CUBN: variants seen among roughly 807,000 people sequenced by gnomAD.
CUBN encodes cubilin.
CUBN carries 282 observed loss-of-function variants against 405.3 expected under a neutral mutation model. That is an observed-to-expected ratio of 0.70 (90% confidence interval 0.63 to 0.77). The LOEUF is 0.77. Among genes scored for constraint, CUBN ranks in the 30% least tolerant of loss-of-function variants. The pLI, the probability that CUBN is intolerant of heterozygous loss-of-function variation, is 0.00. For missense variants in CUBN, 4,514 were observed against 4,475.2 expected (o/e 1.01, Z -0.25); for synonymous variants, 1,684 against 1,617.0 (o/e 1.04, Z -0.99).
chr10:17,129,274 G>A, intron 1 of CUBN, 24 bp from the exon 2 acceptor site: 1 of 1,611,354 alleles, frequency 6.2e-7, no homozygotes, highest in Non-Finnish European at 8.5e-7. Flanking sequence ...ACGAGAGAAT[G>A]CATCAGTAAT....
chr10:17,040,959 C>G, intron 27 of CUBN, 74 bp downstream of exon 27: 2 of 1,421,850 alleles, frequency 1.4e-6, no homozygotes, highest in Non-Finnish European at 9.9e-7. Context: ...TTCTAAAAAG[C>G]ATGATGGATT....
At chr10:17,109,596 T>C (rs746455729) in intron 10 of CUBN, 44 bp downstream of exon 10, 3 of 1,456,158 alleles carry the variant, frequency 2.1e-6, no homozygotes, top group Non-Finnish European at 2.9e-6. Flanking sequence ...GTTTAGAAGG[T>C]CATATTACAA....
At position 16,850,704 on chromosome 10, in the gene CUBN, C is replaced by T. The variant is rs147029986; in HGVS notation, c.9663+531G>A. On this transcript the variant is annotated intron_variant, in intron 60 of 66. Coordinates refer to ENST00000377833, the MANE Select transcript of CUBN (RefSeq NM_001081.4). ...GCCAGGCTGGTCTCAAACTCCTGGC[C>T]TCAAGTGATCCTCCTGCCTCGGTGT... Among the ~76,000 whole-genome samples, 1,256 of 152,232 alleles carry T rather than the reference C, an allele frequency of 8.3e-3. 7 individuals are homozygous for T. Among genetic ancestry groups the T allele is most frequent in the Non-Finnish European group, 0.012 (788 of 68,018 alleles).
chr10:17,065,663 A>AT, intron 21 of CUBN, 25 bp from the exon 22 acceptor site: 1 of 1,612,526 alleles, frequency 6.2e-7, no homozygotes, highest in Non-Finnish European at 8.5e-7. Flanking sequence ...GAAAGGACAG[A>AT]TGTGTGTATT....
intron 27 of CUBN, among the ~76,000 whole-genome samples, chr10:17,036,361 T>C (rs767491472): frequency 2.6e-5 from 4 of 152,068 alleles, no homozygotes; most frequent in Non-Finnish European, 5.9e-5. Flanking sequence ...GGGATGGGAA[T>C]GGATGGGAAC....
chr10:17,118,572 G>A (rs918900402), intron 6 of CUBN, among the ~76,000 whole-genome samples: 7 of 152,148 alleles, frequency 4.6e-5, no homozygotes, highest in Admixed American at 3.9e-4. Context: ...AAGTAGCTGG[G>A]ACTACAGATG....
chr10:16,977,423 T>C (rs556445863), intron 31 of CUBN, among the ~76,000 whole-genome samples: 1 of 152,196 alleles, frequency 6.6e-6, no homozygotes, highest in South Asian at 2.1e-4. Context: ...AGAAGGAGCA[T>C]CTGAACATTG....
Position 16,831,245 on chromosome 10 carries a change from G to T in CUBN, c.10528+7C>A, listed in dbSNP as rs1271635515. Reference sequence around the variant, plus strand: ...GTGCTTTCCTGTACAAAGTGCAAATGTCTTACCAGAGGGTGATGAAGTCCA... The same window carrying T: ...GTGCTTTCCTGTACAAAGTGCAAATTTCTTACCAGAGGGTGATGAAGTCCA... On this transcript the variant is annotated splice_region_variant and intron_variant, in intron 65 of 66. Transcript: ENST00000377833. 5.6e-6 allele frequency: 9 copies of T among 1,613,548 alleles called. No homozygotes were observed. Among genetic ancestry groups the T allele is most frequent in the Non-Finnish European group, 6.8e-6 (8 of 1,179,560 alleles).
chr10:16,990,882 G>A (rs767920488), intron 28 of CUBN, among the ~76,000 whole-genome samples: 3 of 152,158 alleles, frequency 2.0e-5, no homozygotes, highest in Non-Finnish European at 4.4e-5. Context: ...TGGACCGTGT[G>A]AGCCGTGGTC....
intron 24 of CUBN, among the ~76,000 whole-genome samples, 165 bp from the exon 25 acceptor site, chr10:17,045,353 T>TA (rs1405397905): frequency 6.0e-5 from 9 of 148,812 alleles, no homozygotes; most frequent in East Asian, 5.8e-4. Context: ...AATTTTTATT[T>TA]TTTTCTATTT....
At chr10:17,062,860 G>C (rs568523765) in intron 22 of CUBN, among the ~76,000 whole-genome samples, 3 of 152,312 alleles carry the variant, frequency 2.0e-5, no homozygotes, top group African/African-American at 4.8e-5. Flanking sequence ...ACTTCTGTTA[G>C]AACAATAAAG....
chr10:16,882,884 G>A (rs1256446242), intron 56 of CUBN, among the ~76,000 whole-genome samples: 2 of 151,976 alleles, frequency 1.3e-5, no homozygotes, highest in Non-Finnish European at 2.9e-5. Flanking sequence ...CATGGTGTCT[G>A]GTGCCTGTAA....
At chr10:17,110,471 T>C (rs1836746127) in intron 9 of CUBN, among the ~76,000 whole-genome samples, 1 of 152,210 alleles carries the variant, frequency 6.6e-6, no homozygotes, top group African/African-American at 2.4e-5. Context: ...GTGTCCTGAA[T>C]TCACAAGATA....
intron 59 of CUBN, among the ~76,000 whole-genome samples, chr10:16,867,335 C>T (rs938739584): frequency 2.0e-5 from 3 of 152,156 alleles, no homozygotes; most frequent in Non-Finnish European, 2.9e-5. Context: ...TATAACTAAA[C>T]GACCCTATAA....
chr10:17,039,330 A>G (rs1834966779), intron 27 of CUBN, among the ~76,000 whole-genome samples: 1 of 152,240 alleles, frequency 6.6e-6, no homozygotes, highest in Non-Finnish European at 1.5e-5. Context: ...AGTAGTTATC[A>G]TTAGACTGAT....
chr10:16,869,557 TGGGG>T lies in CUBN; in HGVS notation c.9454+75_9454+78del, dbSNP rs59702069. On this transcript the variant is annotated intron_variant, in intron 59 of 66. Coordinates refer to ENST00000377833, the MANE Select transcript of CUBN (RefSeq NM_001081.4). ...AAAAGCAATCATAATCAGGTGGGGG[TGGGG>T]GGGGGGCGGGGAAATTAAATAAAGC... 6.6e-5 allele frequency: 47 copies of T among 708,518 alleles called. No homozygotes were observed. The African/African-American group carries it at 9.3e-4, about 14-fold the overall frequency. 43.9% of individuals were successfully genotyped at this position (708,518 alleles called of 1,614,324 possible). A position where few individuals can be genotyped will look rare whatever the true frequency, so the allele number is the denominator to read the frequency against.
intron 1 of CUBN, 117 bp downstream of exon 1, chr10:17,129,527 G>T: frequency 1.5e-6 from 2 of 1,316,250 alleles, no homozygotes; most frequent in Non-Finnish European, 2.2e-6. Context: ...TTCCCTGTTT[G>T]CTTCTCAACA....
chr10:17,024,090 T>C (rs1417503381), intron 27 of CUBN, among the ~76,000 whole-genome samples: 1 of 151,992 alleles, frequency 6.6e-6, no homozygotes, highest in Non-Finnish European at 1.5e-5. Context: ...GCGGGTTTGA[T>C]AATTTGGCAC....
At chr10:17,052,438 A>G (rs1326244567) in intron 22 of CUBN, among the ~76,000 whole-genome samples, 1 of 150,510 alleles carries the variant, frequency 6.6e-6, no homozygotes, top group East Asian at 1.9e-4. Flanking sequence ...TAAAGCAAAA[A>G]TAATAGTAAG....
Sources: gnomAD v4.1 joint callset for allele counts (sites outside exome capture counted in the v4.1 genomes callset) on GRCh38, gnomAD v4.1.1 for gene constraint, MANE v1.5 for transcripts, NCBI Gene and HGNC (gene_info 2026-07-23, HGNC 2026-07-21) for gene names.